The following RARB variants were observed in gnomAD, a reference collection of about 807,000 sequenced individuals.
RARB encodes the protein HBV-activated protein.
In RARB, 17 loss-of-function variants were observed where a neutral mutation model predicts 51.9. That is an observed-to-expected ratio of 0.33 (90% CI 0.22 to 0.49). The LOEUF is 0.49. RARB is among the 20% of genes least tolerant of loss of function. The pLI, the probability that RARB is intolerant of heterozygous loss-of-function variation, is 0.99. For synonymous variants in RARB, 215 were observed against 195.4 expected, an observed-to-expected ratio of 1.10 and a Z score of -0.84; for missense variants, 369 against 550.8, an observed-to-expected ratio of 0.67 and a Z score of 3.30.
At chr3:25,109,276 C>G (rs570475821) in intron 3 of RARB, among the ~76,000 whole-genome samples, 7 of 151,540 alleles carry the variant, frequency 4.6e-5, no homozygotes, top group Admixed American at 3.3e-4. Context: ...ATTGACTTAA[C>G]CTTTGCATTT....
chr3:24,853,508 A>C (rs1216405917), intron 1 of RARB, among the ~76,000 whole-genome samples: 1 of 152,192 alleles, frequency 6.6e-6, no homozygotes, highest in South Asian at 2.1e-4. Flanking sequence ...TCTGGTTTTC[A>C]GAACAGCAAG....
intron 2 of RARB, among the ~76,000 whole-genome samples, chr3:24,889,037 A>T (rs887299123): frequency 4.6e-5 from 7 of 152,184 alleles, no homozygotes; most frequent in Non-Finnish European, 1.0e-4. Context: ...GAATTTTGCA[A>T]ATAGAAGATG....
At chr3:25,545,224 C>A (rs2125660253) in intron 3 of RARB, among the ~76,000 whole-genome samples, 1 of 152,302 alleles carries the variant, frequency 6.6e-6, no homozygotes. Context: ...GGATTACAGG[C>A]ATGAGCCACC....
Position 24,985,024 on chromosome 3 carries a change from C to T in RARB, c.-379-75101C>T, listed in dbSNP as rs932602270. ...GACTTTCAGAATTCAAAGAGTTCAT[C>T]GGGTTCATTTTATTCTGGAAATTCA... On this transcript the variant is annotated intron_variant, in intron 2 of 11. Coordinates refer to the RARB transcript ENST00000383772. 5.1e-4 allele frequency among the ~76,000 whole-genome samples: 78 copies of T among 152,252 alleles called. 1 individual carries two copies. The highest frequency in any genetic ancestry group is 6.8e-3 in the Middle Eastern group (2 of 294).
At chr3:25,590,166 T>C (rs1452526230) in intron 5 of RARB, among the ~76,000 whole-genome samples, 1 of 152,224 alleles carries the variant, frequency 6.6e-6, no homozygotes, top group Non-Finnish European at 1.5e-5. Flanking sequence ...TTGAACTTTC[T>C]AGGAAGAGAG....
At chr3:24,877,022 T>G (rs767253047) in intron 2 of RARB, among the ~76,000 whole-genome samples, 70 of 152,280 alleles carry the variant, frequency 4.6e-4, no homozygotes, top group Admixed American at 7.8e-4. Flanking sequence ...CAAATTGAAA[T>G]GACAATATAT....
At chr3:25,504,090 A>G (rs558659237) in intron 3 of RARB, among the ~76,000 whole-genome samples, 3 of 152,338 alleles carry the variant, frequency 2.0e-5, no homozygotes, top group Non-Finnish European at 4.4e-5. Context: ...AATCCTTTAG[A>G]TGAGAGTGAC....
intron 5 of RARB, among the ~76,000 whole-genome samples, chr3:25,193,981 C>T (rs541441769): frequency 2.0e-5 from 3 of 151,970 alleles, no homozygotes; most frequent in South Asian, 2.1e-4. Context: ...ACACTATTCA[C>T]AATAGCCAAG....
intron 3 of RARB, among the ~76,000 whole-genome samples, chr3:25,514,994 C>A (rs1418615646): frequency 6.6e-6 from 1 of 152,170 alleles, no homozygotes; most frequent in Non-Finnish European, 1.5e-5. Flanking sequence ...AATGTACTCC[C>A]ACCCTACTCT....
intron 2 of RARB, among the ~76,000 whole-genome samples, chr3:25,016,958 A>C (rs931531205): frequency 5.9e-5 from 9 of 152,158 alleles, no homozygotes; most frequent in Non-Finnish European, 1.2e-4. Context: ...GGAGAAGTTA[A>C]CACATGTTCT....
chr3:25,171,651 A>AAAAAAAACAAAAAAAAC (rs1467965567), intron 4 of RARB, among the ~76,000 whole-genome samples: 1 of 147,202 alleles, frequency 6.8e-6, no homozygotes, highest in African/African-American at 2.5e-5. Flanking sequence ...GGTAAAAAAA[A>AAAAAAAACAAAAAAAAC]AAAAAAAAAA....
In RARB at chr3:25,400,809, T is replaced by A. The variant is rs149567226; in HGVS notation, c.179-60384T>A. 3.0e-3 allele frequency among the ~76,000 whole-genome samples: 456 copies of A among 152,064 alleles called. 7 individuals are homozygous for A. Among genetic ancestry groups the A allele is most frequent in the African/African-American group, 0.01 (430 of 41,522 alleles). ...TCAACACTTTTACTTCTGGCTGGGATGGAACAGCTTGTAACAGACCAGTGC... is the reference window on the plus strand; with the variant it reads ...TCAACACTTTTACTTCTGGCTGGGAAGGAACAGCTTGTAACAGACCAGTGC... On this transcript the variant is annotated intron_variant, in intron 5 of 11. Transcript: ENST00000383772.
chr3:25,103,565 G>A (rs897805806), intron 3 of RARB, among the ~76,000 whole-genome samples: 1 of 152,202 alleles, frequency 6.6e-6, no homozygotes, highest in African/African-American at 2.4e-5. Flanking sequence ...AATCATGAAA[G>A]TTTTGCCCCC....
At chr3:25,394,982 GTTA>G (rs1018020625) in intron 5 of RARB, among the ~76,000 whole-genome samples, 2 of 152,120 alleles carry the variant, frequency 1.3e-5, no homozygotes, top group African/African-American at 4.8e-5. Context: ...TTTTCCTTGT[GTTA>G]TTGTTTTACA....
intron 3 of RARB, among the ~76,000 whole-genome samples, chr3:25,104,629 A>G (rs754164687): frequency 3.3e-5 from 5 of 152,112 alleles, no homozygotes; most frequent in Non-Finnish European, 5.9e-5. Context: ...GGGTGACACA[A>G]TGAGACTCCA....
intron 5 of RARB, among the ~76,000 whole-genome samples, chr3:25,314,081 A>C (rs1218274628): frequency 6.6e-6 from 1 of 152,086 alleles, no homozygotes; most frequent in Non-Finnish European, 1.5e-5. Flanking sequence ...AACAACAAAA[A>C]AAAATTAATT....
chr3:25,187,436 G>C (rs1470562233), intron 5 of RARB, among the ~76,000 whole-genome samples: 1 of 151,842 alleles, frequency 6.6e-6, no homozygotes, highest in Admixed American at 6.6e-5. Flanking sequence ...AAGTGATTAA[G>C]TATTCATCTT....
At chr3:25,225,190 C>T (rs771521693) in intron 5 of RARB, among the ~76,000 whole-genome samples, 4 of 152,050 alleles carry the variant, frequency 2.6e-5, no homozygotes, top group Non-Finnish European at 5.9e-5. Context: ...TGTTTAGGTG[C>T]TCTATAACAC....
intron 2 of RARB, among the ~76,000 whole-genome samples, chr3:24,912,861 C>T (rs1211662348): frequency 1.3e-5 from 2 of 151,496 alleles, no homozygotes; most frequent in Non-Finnish European, 2.9e-5. Flanking sequence ...TTAAGTTTCT[C>T]AAATCCAGGA....
Sources: allele counts gnomAD v4.1 joint callset (sites outside exome capture counted in the v4.1 genomes callset), GRCh38; gene constraint gnomAD v4.1.1; transcripts MANE v1.5; gene names NCBI Gene and HGNC (gene_info 2026-07-23, HGNC 2026-07-21).